The following SREBF2 variants were observed in gnomAD, a reference collection of about 807,000 sequenced individuals.
The protein encoded by SREBF2 is sterol regulatory element-binding protein 2.
Under a neutral mutation model 113.1 loss-of-function variants are expected in SREBF2, and 55 were observed. The observed-to-expected ratio is 0.49, with a 90% CI of 0.39 to 0.61. The LOEUF is 0.61. Ranked by LOEUF, SREBF2 falls within the 20% of genes least tolerant of loss-of-function variation. The probability of loss-of-function intolerance (pLI) is 0.00; values close to 1 mark genes in which losing one functional copy is unlikely to be tolerated. For synonymous variants in SREBF2, 593 were observed against 605.7 expected (o/e 0.98, Z 0.31); for missense variants, 1,349 against 1,487.4 (o/e 0.91, Z 1.53).
rs1197324847 is a variant in SREBF2, at chr22:41,881,004, G to A, written c.2038+12G>A. On this transcript the variant is annotated intron_variant, in intron 10 of 18. Transcript: ENST00000361204. ...GCTGCACATCACAGGTGAGGGGGCAGCTGCTGCTGCCTGGCTTGCTGCAAG... is the reference window on the plus strand; with the variant it reads ...GCTGCACATCACAGGTGAGGGGGCAACTGCTGCTGCCTGGCTTGCTGCAAG... 3 of 1,603,360 alleles carry A rather than the reference G, an allele frequency of 1.9e-6. No individual in the cohort carries two copies. In the South Asian group the frequency reaches 3.3e-5, roughly 18 times the overall value.
chr22:41,887,995 T>C (rs1375311887), intron 11 of SREBF2, among the ~76,000 whole-genome samples: 1 of 152,246 alleles, frequency 6.6e-6, no homozygotes, highest in African/African-American at 2.4e-5. Flanking sequence ...ATTTGGACTA[T>C]CTGTCGTCTC....
chr22:41,842,761 G>A (rs543808438), intron 1 of SREBF2, among the ~76,000 whole-genome samples: 29 of 152,250 alleles, frequency 1.9e-4, no homozygotes, highest in African/African-American at 6.5e-4. Context: ...AGGCCGAGCC[G>A]GGTGAATCAT....
chr22:41,856,958 A>G lies in SREBF2; in HGVS notation c.89-9873A>G, dbSNP rs186713955. Reference sequence around the variant, plus strand: ...GGCAGGCGGCTGTAATCCCGGCTACATGGGAGGCTGAGACAGGAGAGTTGC... The same window carrying G: ...GGCAGGCGGCTGTAATCCCGGCTACGTGGGAGGCTGAGACAGGAGAGTTGC... On this transcript the variant is annotated intron_variant, in intron 1 of 18. Transcript: ENST00000361204. Among the ~76,000 whole-genome samples the G allele has an allele frequency of 1.4e-3, 218 of 151,568 alleles. 5 individuals carry two copies. The East Asian group carries it at 0.036, about 25-fold the overall frequency.
At chr22:41,843,060 T>A (rs1318727536) in intron 1 of SREBF2, among the ~76,000 whole-genome samples, 1 of 152,202 alleles carries the variant, frequency 6.6e-6, no homozygotes, top group Non-Finnish European at 1.5e-5. Context: ...TACTCTGTGA[T>A]GTTTGCACAA....
intron 14 of SREBF2, 74 bp downstream of exon 14, chr22:41,897,235 C>G (rs957928700): frequency 1.0e-6 from 1 of 992,412 alleles, no homozygotes; most frequent in Non-Finnish European, 1.5e-6. Flanking sequence ...CCCCAGGGGT[C>G]CAGGGCGTTA....
At chr22:41,887,220 A>AG (rs781251710) in intron 11 of SREBF2, among the ~76,000 whole-genome samples, 1 of 152,002 alleles carries the variant, frequency 6.6e-6, no homozygotes, top group Non-Finnish European at 1.5e-5. Context: ...CTCCGTCTCA[A>AG]GAAAAAAAAA....
At chr22:41,893,330 A>T in intron 12 of SREBF2, 45 bp downstream of exon 12, 2 of 1,606,152 alleles carry the variant, frequency 1.2e-6, no homozygotes. Context: ...AAGCCATGCA[A>T]ACCGCCGGTA....
intron 14 of SREBF2, 142 bp from the exon 15 acceptor site, chr22:41,898,505 GGT>G: frequency 9.8e-7 from 1 of 1,023,094 alleles, no homozygotes; most frequent in Non-Finnish European, 1.5e-6. Context: ...CAGAATCCTG[GGT>G]GTGGGAGCCC....
intron 11 of SREBF2, among the ~76,000 whole-genome samples, chr22:41,890,527 G>T (rs767639387): frequency 2.0e-5 from 3 of 152,198 alleles, no homozygotes; most frequent in Non-Finnish European, 4.4e-5. Flanking sequence ...ATACTGAGTG[G>T]CTCTCAGGAT....
At position 41,866,835 on chromosome 22, in the gene SREBF2, G is replaced by T. The variant is rs1159211746; in HGVS notation, c.93G>T (p.Met31Ile). 6.2e-7 allele frequency: 1 copy of T among 1,614,100 alleles called. No individual in the cohort carries two copies. Among genetic ancestry groups the T allele is most frequent in the African/African-American group, 1.3e-5 (1 of 74,936 alleles). ...DELTLGDIDE[M>I]LQFVSNQVGE... is the part of the protein sequence containing the mutation. Reference sequence around the variant, plus strand: ...CTCCTTTTCTTTTGTTCACAGAGATGCTGCAATTTGTCAGTAATCAAGTGG... The same window carrying T: ...CTCCTTTTCTTTTGTTCACAGAGATTCTGCAATTTGTCAGTAATCAAGTGG... The change falls in exon 2 of 19, where the codon ATG becomes ATT. Residue 31 changes from methionine to isoleucine, a missense_variant. Transcript: ENST00000361204.
rs117634052 is a variant in SREBF2, at chr22:41,844,374, T to G, written c.88+11016T>G. On this transcript the variant is annotated intron_variant, in intron 1 of 18. Coordinates refer to ENST00000361204, the MANE Select transcript of SREBF2 (RefSeq NM_004599.4). ...TTAGAATATGTTTGGAAATGTTTAT[T>G]TTTTCCTTTTGAAATGGCTTTTGTA... Among the ~76,000 whole-genome samples the G allele has an allele frequency of 5.8e-4, 88 of 152,320 alleles. 3 individuals carry two copies. The East Asian group carries it at 0.015, about 26-fold the overall frequency.
chr22:41,869,327 C>G (rs199678091), intron 3 of SREBF2, among the ~76,000 whole-genome samples: 5 of 151,220 alleles, frequency 3.3e-5, no homozygotes, highest in African/African-American at 1.2e-4. Flanking sequence ...AACTTCTGAC[C>G]TTGTGATCCA....
chr22:41,833,619 G>T lies in SREBF2; in HGVS notation c.88+261G>T, dbSNP rs1364325414. The T allele has an allele frequency of 2.6e-6, 1 of 391,674 alleles. No individual in the cohort carries two copies. Among genetic ancestry groups the T allele is most frequent in the Non-Finnish European group, 4.5e-6 (1 of 222,006 alleles). The allele number at this position is 391,674 out of a possible 1,614,324, so 24.3% of individuals were successfully genotyped here. A position where few individuals can be genotyped will look rare whatever the true frequency, so the allele number is the denominator to read the frequency against. ...GCGAGGGTCGCGGGTTCCAGAGCGCGGGGCTAGGGACGTCGCGGGGGCGTC... is the reference window on the plus strand; with the variant it reads ...GCGAGGGTCGCGGGTTCCAGAGCGCTGGGCTAGGGACGTCGCGGGGGCGTC... On this transcript the variant is annotated intron_variant, in intron 1 of 18. Transcript: ENST00000361204. The surrounding 1 kb of genome is among the most constrained non-coding windows in gnomAD (Gnocchi z 4.1).
intron 3 of SREBF2, among the ~76,000 whole-genome samples, chr22:41,870,229 T>G (rs2077126987): frequency 6.6e-6 from 1 of 152,194 alleles, no homozygotes; most frequent in Non-Finnish European, 1.5e-5. Flanking sequence ...TGTCTGGCTT[T>G]CCTGAGTCTT....
intron 1 of SREBF2, among the ~76,000 whole-genome samples, chr22:41,851,757 A>G (rs2076933204): frequency 6.6e-6 from 1 of 151,198 alleles, no homozygotes; most frequent in Non-Finnish European, 1.5e-5. Context: ...GGCCTCCCAA[A>G]GTGCTGGTAT....
chr22:41,845,708 G>C (rs962396123), intron 1 of SREBF2, among the ~76,000 whole-genome samples: 2 of 152,210 alleles, frequency 1.3e-5, no homozygotes, highest in Non-Finnish European at 2.9e-5. Flanking sequence ...TGAAGGGTGA[G>C]TAAATAGGAT....
chr22:41,900,831 C>T (rs1482474543), intron 16 of SREBF2: 7 of 511,722 alleles, frequency 1.4e-5, no homozygotes, highest in Non-Finnish European at 2.3e-5. Context: ...GCGTGACTTC[C>T]CAGGCCTCTG....
chr22:41,867,762 G>A (rs987045909), intron 2 of SREBF2, among the ~76,000 whole-genome samples: 9 of 151,778 alleles, frequency 5.9e-5, no homozygotes, highest in African/African-American at 1.9e-4. Flanking sequence ...AGCAGAGATC[G>A]TGCCACTGCA....
At chr22:41,835,235 CAA>C (rs1419699986) in intron 1 of SREBF2, among the ~76,000 whole-genome samples, 2,341 of 138,768 alleles carry the variant, frequency 0.017, 142 homozygotes, top group Middle Eastern at 0.03. Flanking sequence ...AATCATAGCA[CAA>C]ACTCTTAGGC....
Sources: allele counts gnomAD v4.1 joint callset (sites outside exome capture counted in the v4.1 genomes callset), GRCh38; gene constraint gnomAD v4.1.1; non-coding constraint Gnocchi (gnomAD v3.1); transcripts MANE v1.5; gene names NCBI Gene and HGNC (gene_info 2026-07-23, HGNC 2026-07-21).